UCHL1: variants seen among roughly 807,000 people sequenced by gnomAD.
The protein encoded by UCHL1 is ubiquitin carboxyl-terminal hydrolase isozyme L1.
UCHL1 carries 5 observed loss-of-function variants against 33.3 expected under a neutral mutation model. The observed-to-expected ratio is 0.15, with a 90% CI of 0.08 to 0.32. The LOEUF (loss-of-function observed/expected upper bound fraction) is 0.32, where lower values mean the gene tolerates loss of function less well. UCHL1 is among the 10% of genes least tolerant of loss of function. The pLI is 1.00. For synonymous variants in UCHL1, 132 were observed against 108.8 expected, an observed-to-expected ratio of 1.21 and a Z score of -1.33; for missense variants, 236 against 280.0, an observed-to-expected ratio of 0.84 and a Z score of 1.12.
chr4:41,263,422 T>G, intron 7 of UCHL1, 131 bp downstream of exon 7: 1 of 932,726 alleles, frequency 1.1e-6, no homozygotes, highest in Non-Finnish European at 1.7e-6. Context: ...TAACAAAGTA[T>G]TCTCATGAGG....
intron 8 of UCHL1, 58 bp downstream of exon 8, chr4:41,264,219 C>T (rs1469837028): frequency 6.2e-7 from 1 of 1,608,172 alleles, no homozygotes; most frequent in East Asian, 2.2e-5. Flanking sequence ...GCTAAATTTT[C>T]TATTCTAAAG....
chr4:41,260,058 G>A (rs116549015), intron 3 of UCHL1, among the ~76,000 whole-genome samples: 2,303 of 152,278 alleles, frequency 0.015, 32 homozygotes, highest in Non-Finnish European at 0.023. Context: ...TAAAATCACA[G>A]CCCAATACCC....
intron 8 of UCHL1, among the ~76,000 whole-genome samples, chr4:41,265,912 A>T (rs758438435): frequency 6.6e-6 from 1 of 152,228 alleles, no homozygotes; most frequent in Non-Finnish European, 1.5e-5. Flanking sequence ...ATAAGAAAAC[A>T]GGCAGAATTT....
At chr4:41,260,531 A>G in intron 3 of UCHL1, 116 bp from the exon 4 acceptor site, 5 of 1,297,010 alleles carry the variant, frequency 3.9e-6, no homozygotes, top group Non-Finnish European at 5.4e-6. Flanking sequence ...ATCTAGAACC[A>G]GGGGTTCTGG....
At chr4:41,257,245 CGGGCTGGGGCGT>C in intron 2 of UCHL1, 119 bp downstream of exon 2, 2 of 1,491,106 alleles carry the variant, frequency 1.3e-6, no homozygotes, top group Non-Finnish European at 1.8e-6. Flanking sequence ...CGGAGACGGC[CGGGCTGGGGCGT>C]GGGCTGGGCG....
chr4:41,258,502 A>AT (rs386399901), intron 3 of UCHL1, among the ~76,000 whole-genome samples: 2,760 of 148,524 alleles, frequency 0.019, 55 homozygotes, highest in East Asian at 0.11. Context: ...ACAGCGTCAG[A>AT]TTTTTTTTTT....
At chr4:41,266,588 T>G (rs1781158319) in intron 8 of UCHL1, among the ~76,000 whole-genome samples, 1 of 152,146 alleles carries the variant, frequency 6.6e-6, no homozygotes, top group Non-Finnish European at 1.5e-5. Flanking sequence ...AAAAACTTGG[T>G]AGAGGATAAA....
intron 4 of UCHL1, 28 bp from the exon 5 acceptor site, chr4:41,261,687 A>G (rs1394754954): frequency 1.9e-6 from 3 of 1,601,662 alleles, no homozygotes; most frequent in Admixed American, 1.7e-5. Context: ...TATTTTACCT[A>G]TACTAACACA....
rs112424642 is a variant in UCHL1, at chr4:41,257,223, C to G, written c.45+97C>G. 150,880 of 1,590,820 alleles carry G rather than the reference C, an allele frequency of 0.095. 7,840 individuals carry two copies. Among genetic ancestry groups the G allele is most frequent in the East Asian group, 0.14 (6,332 of 44,524 alleles). On this transcript the variant is annotated intron_variant, in intron 2 of 8. Transcript: ENST00000284440. ...GGCTGCTGGCAGGGACCAAGCCGCCCGCTGCGAGCACCGGAGACGGCCGGG... is the reference window on the plus strand; with the variant it reads ...GGCTGCTGGCAGGGACCAAGCCGCCGGCTGCGAGCACCGGAGACGGCCGGG...
chr4:41,268,323 T>G lies in UCHL1; in HGVS notation c.*250T>G, dbSNP rs564857603. ...CCCAGTGTATGTCTTGTATCCGATA[T>G]CTAACGCTTTAAATGGCTACTTTGG... On this transcript the variant is annotated 3_prime_UTR_variant, in exon 9 of 9. Transcript: ENST00000284440. 1 of 554,758 alleles carries G rather than the reference T, an allele frequency of 1.8e-6. No individual in the cohort carries two copies. The highest frequency in any genetic ancestry group is 1.9e-5 in the African/African-American group (1 of 53,092). The allele number at this position is 554,758 out of a possible 1,614,324, so 34.4% of individuals were successfully genotyped here.
intron 3 of UCHL1, among the ~76,000 whole-genome samples, chr4:41,260,096 A>C (rs988362247): frequency 1.3e-5 from 2 of 152,336 alleles, no homozygotes; most frequent in Admixed American, 6.5e-5. Context: ...CCTTAAAAAG[A>C]GGGCGGAGGT....
At chr4:41,261,143 A>G (rs1278806808) in intron 4 of UCHL1, among the ~76,000 whole-genome samples, 2 of 152,166 alleles carry the variant, frequency 1.3e-5, no homozygotes, top group African/African-American at 4.8e-5. Context: ...AGATGTCTCT[A>G]TGCTGGACTA....
chr4:41,264,455 A>G (rs1052685376), intron 8 of UCHL1: 9 of 477,144 alleles, frequency 1.9e-5, no homozygotes, highest in South Asian at 4.2e-5. Context: ...TAAGGTGACC[A>G]TTGTCCTCCC....
chr4:41,259,692 T>TAAAGAG (rs1781039524), intron 3 of UCHL1, among the ~76,000 whole-genome samples: 1 of 152,210 alleles, frequency 6.6e-6, no homozygotes, highest in South Asian at 2.1e-4. Flanking sequence ...TACCCTACTC[T>TAAAGAG]TTAACTGGGA....
intron 8 of UCHL1, among the ~76,000 whole-genome samples, chr4:41,266,237 T>G (rs957855858): frequency 3.0e-4 from 45 of 151,702 alleles, no homozygotes; most frequent in African/African-American, 3.4e-4. Context: ...TTTTTTTTTT[T>G]TTTTTTTTTT....
chr4:41,257,378 T>C, intron 2 of UCHL1: 1 of 887,890 alleles, frequency 1.1e-6, no homozygotes, highest in Admixed American at 3.3e-5. Context: ...CCCGAGGGCG[T>C]GGCGCGGGCA....
At chr4:41,262,243 C>G (rs540167267) in intron 6 of UCHL1, among the ~76,000 whole-genome samples, 1 of 152,280 alleles carries the variant, frequency 6.6e-6, no homozygotes, top group Admixed American at 6.5e-5. Context: ...GGGTGAATCA[C>G]TTGAGCCCAG....
intron 4 of UCHL1, 141 bp downstream of exon 4, chr4:41,260,938 C>G (rs1167197938): frequency 8.0e-7 from 1 of 1,247,486 alleles, no homozygotes; most frequent in Non-Finnish European, 1.2e-6. Context: ...TAATCTGACT[C>G]ACAGTCCTCC....
At chr4:41,258,502 A>ATT (rs386399901) in intron 3 of UCHL1, among the ~76,000 whole-genome samples, 7 of 148,650 alleles carry the variant, frequency 4.7e-5, no homozygotes, top group South Asian at 2.1e-4. Context: ...ACAGCGTCAG[A>ATT]TTTTTTTTTT....
Sources: gnomAD v4.1 joint callset for allele counts (sites outside exome capture counted in the v4.1 genomes callset) on GRCh38, gnomAD v4.1.1 for gene constraint, MANE v1.5 for transcripts, NCBI Gene and HGNC (gene_info 2026-07-23, HGNC 2026-07-21) for gene names.